The following DTWD2 variants were observed in gnomAD, a reference collection of about 807,000 sequenced individuals.
DTWD2 encodes the protein DTW motif tRNA-uridine aminocarboxypropyltransferase 2.
DTWD2 carries 39 observed loss-of-function variants against 31.8 expected under a neutral mutation model. The observed-to-expected ratio is 1.22, with a 90% CI of 0.95 to 1.60. DTWD2 has a LOEUF of 1.60. DTWD2 is among the 40% of genes most tolerant of loss of function. DTWD2 has a pLI of 0.00. For missense variants in DTWD2, 515 were observed against 381.5 expected (o/e 1.35, Z -2.92); for synonymous variants, 180 against 142.8 (o/e 1.26, Z -1.86).
chr5:118,875,177 A>G (rs1309534673), intron 4 of DTWD2, among the ~76,000 whole-genome samples: 1 of 151,988 alleles, frequency 6.6e-6, no homozygotes, highest in African/African-American at 2.4e-5. Flanking sequence ...ATTGTTGCCA[A>G]CTGCCTTATG....
At chr5:118,981,786 G>A (rs766683120) in intron 1 of DTWD2, among the ~76,000 whole-genome samples, 1 of 152,086 alleles carries the variant, frequency 6.6e-6, no homozygotes, top group African/African-American at 2.4e-5. Flanking sequence ...TTGACTTTAA[G>A]AAATACAATA....
At chr5:118,914,294 T>A (rs2149572150) in intron 4 of DTWD2, among the ~76,000 whole-genome samples, 1 of 152,296 alleles carries the variant, frequency 6.6e-6, no homozygotes, top group African/African-American at 2.4e-5. Flanking sequence ...TTTCTCCTAC[T>A]CTCTTTCTGT....
chr5:118,839,411 G>C lies in DTWD2; in HGVS notation c.*1506C>G, dbSNP rs1263475237. ...ACTCTGTAGCCCAGGCTGGAGTGCA[G>C]TGGAATGAACATAGCTCCTTGCAAC... On this transcript the variant is annotated 3_prime_UTR_variant, in exon 6 of 6. Transcript: ENST00000510708. 1 of 152,098 alleles carries C rather than the reference G, an allele frequency of 6.6e-6. No individual in the cohort carries two copies. Among genetic ancestry groups the C allele is most frequent in the Admixed American group, 6.6e-5 (1 of 15,264 alleles). 9.4% of individuals were successfully genotyped at this position (152,098 alleles called of 1,614,324 possible). A position where few individuals can be genotyped will look rare whatever the true frequency, so the allele number is the denominator to read the frequency against.
intron 1 of DTWD2, among the ~76,000 whole-genome samples, chr5:118,973,138 C>T (rs1390882113): frequency 1.3e-5 from 2 of 149,496 alleles, no homozygotes; most frequent in East Asian, 2.0e-4. Context: ...CATTTTGAGC[C>T]TATGTGTGTC....
intron 4 of DTWD2, among the ~76,000 whole-genome samples, chr5:118,863,815 A>G (rs979308742): frequency 1.5e-4 from 23 of 152,120 alleles, no homozygotes; most frequent in Admixed American, 8.5e-4. Flanking sequence ...CCAAGTATAT[A>G]TAATAGTTCC....
At chr5:118,860,420 A>G (rs1453104409) in intron 4 of DTWD2, among the ~76,000 whole-genome samples, 2 of 151,860 alleles carry the variant, frequency 1.3e-5, no homozygotes, top group Non-Finnish European at 2.9e-5. Flanking sequence ...TTGTATAGCT[A>G]TACCATAGTT....
At chr5:118,988,005 A>T (rs958703028) in intron 1 of DTWD2, 2 of 683,338 alleles carry the variant, frequency 2.9e-6, no homozygotes, top group Non-Finnish European at 5.3e-6. Context: ...ATCACCCCTT[A>T]CTTCCCCTAT....
chr5:118,938,619 T>C (rs1580422220), intron 3 of DTWD2, among the ~76,000 whole-genome samples: 1 of 151,902 alleles, frequency 6.6e-6, no homozygotes, highest in African/African-American at 2.4e-5. Flanking sequence ...GAAGCTGAGG[T>C]GGGAGAATCA....
chr5:118,847,104 T>C (rs1023364107), intron 5 of DTWD2, among the ~76,000 whole-genome samples: 1 of 152,136 alleles, frequency 6.6e-6, no homozygotes, highest in Non-Finnish European at 1.5e-5. Context: ...GCTTTTGCTA[T>C]CTTTTTGTTC....
At chr5:118,920,651 G>A (rs1175654718) in intron 4 of DTWD2, among the ~76,000 whole-genome samples, 3 of 151,798 alleles carry the variant, frequency 2.0e-5, no homozygotes, top group African/African-American at 7.3e-5. Context: ...CAAAAATATT[G>A]AACTAAATTG....
chr5:118,958,864 T>C (rs1218580182), intron 1 of DTWD2, among the ~76,000 whole-genome samples: 1 of 152,186 alleles, frequency 6.6e-6, no homozygotes, highest in Non-Finnish European at 1.5e-5. Flanking sequence ...ATCATATCAA[T>C]AGATGCAGAA....
At chr5:118,895,055 GA>G (rs1457749363) in intron 4 of DTWD2, among the ~76,000 whole-genome samples, 3 of 151,862 alleles carry the variant, frequency 2.0e-5, no homozygotes, top group African/African-American at 7.3e-5. Context: ...AACTGAAAAG[GA>G]AAAAGTCAAG....
chr5:118,975,315 T>C (rs563672318), intron 1 of DTWD2, among the ~76,000 whole-genome samples: 1 of 152,284 alleles, frequency 6.6e-6, no homozygotes, highest in African/African-American at 2.4e-5. Flanking sequence ...CTTGATCGAT[T>C]TGGCTACTGA....
At chr5:118,863,920 C>G (rs989688848) in intron 4 of DTWD2, among the ~76,000 whole-genome samples, 2 of 151,740 alleles carry the variant, frequency 1.3e-5, no homozygotes, top group African/African-American at 4.9e-5. Flanking sequence ...GTCTGTCCAG[C>G]CAAGGATCTT....
At chr5:118,926,555 T>A (rs1436264348) in intron 4 of DTWD2, among the ~76,000 whole-genome samples, 1 of 152,142 alleles carries the variant, frequency 6.6e-6, no homozygotes, top group Non-Finnish European at 1.5e-5. Flanking sequence ...AAAAAAAGAA[T>A]TCATTGATAA....
chr5:118,860,224 TTTA>T (rs1223974086), intron 4 of DTWD2, among the ~76,000 whole-genome samples: 1 of 149,624 alleles, frequency 6.7e-6, no homozygotes, highest in Non-Finnish European at 1.5e-5. Flanking sequence ...ATGTATTGTA[TTTA>T]TTAATATATT....
At chr5:118,857,072 C>T (rs1426100945) in intron 4 of DTWD2, among the ~76,000 whole-genome samples, 1 of 151,870 alleles carries the variant, frequency 6.6e-6, no homozygotes, top group African/African-American at 2.4e-5. Context: ...CCACCGCACC[C>T]GGCAGCTTAG....
At chr5:118,896,117 G>A (rs1753079326) in intron 4 of DTWD2, among the ~76,000 whole-genome samples, 1 of 152,022 alleles carries the variant, frequency 6.6e-6, no homozygotes, top group African/African-American at 2.4e-5. Context: ...ATCAAACTAT[G>A]AGCGAAAATG....
chr5:118,973,414 A>T (rs895405476), intron 1 of DTWD2, among the ~76,000 whole-genome samples: 4 of 152,160 alleles, frequency 2.6e-5, no homozygotes, highest in African/African-American at 9.7e-5. Context: ...TTCCGTATTT[A>T]GTGCTTCCTT....
Sources: gnomAD v4.1 joint callset for allele counts (sites outside exome capture counted in the v4.1 genomes callset) on GRCh38, gnomAD v4.1.1 for gene constraint, MANE v1.5 for transcripts, NCBI Gene and HGNC (gene_info 2026-07-23, HGNC 2026-07-21) for gene names.